The following ELK4 variants were observed in gnomAD, a reference collection of about 807,000 sequenced individuals.
ELK4 encodes the protein ETS domain-containing protein Elk-4.
A neutral mutation model predicts 29.6 loss-of-function variants in ELK4; 16 were observed. That is an observed-to-expected ratio of 0.54 (90% CI 0.37 to 0.82). The LOEUF is 0.82. Ranked by LOEUF, ELK4 falls within the 40% of genes least tolerant of loss-of-function variation. ELK4 has a pLI of 0.00. For synonymous variants in ELK4, 213 were observed against 191.1 expected (o/e 1.11, Z -0.95); for missense variants, 465 against 507.1 (o/e 0.92, Z 0.80).
chr1:205,620,172 G>C lies in ELK4; in HGVS notation c.874C>G (p.Leu292Val), dbSNP rs776843292. Residue 292 changes from leucine to valine, a missense_variant, in exon 3 of 5, where the codon CTT (leucine) becomes GTT (valine). This residue lies in a region of ELK4 where 385 missense variants were observed against 387.5 expected (regional missense o/e 0.99). Coordinates refer to ENST00000357992, the MANE Select transcript of ELK4 (RefSeq NM_001973.4). Reference sequence around the variant, plus strand: ...GGCTCCAGTGACAAATTCTCTGGAAGTTCCATTGGCTGAGAAGCCACTGAA... The same window carrying C: ...GGCTCCAGTGACAAATTCTCTGGAACTTCCATTGGCTGAGAAGCCACTGAA... The part of the protein sequence containing the change: ...IDSVASQPME[L>V]PENLSLEPKD... 6.2e-7 allele frequency: 1 copy of C among 1,614,248 alleles called. No homozygotes were observed. The highest frequency in any genetic ancestry group is 8.5e-7 in the Non-Finnish European group (1 of 1,180,044).
intron 1 of ELK4, chr1:205,625,720 C>G (rs113524028): frequency 1.4e-6 from 1 of 728,966 alleles, no homozygotes; most frequent in East Asian, 2.5e-5. Context: ...ACTCTGTCAC[C>G]CAGGCTGGAG....
rs1161030669 is a variant in ELK4, at chr1:205,615,339, T to G, written c.*1207A>C. Reference sequence around the variant, plus strand: ...CCGGGAGGCGGAGCTTACAGTGAGCTGAGATCGCGCCACTGCACTCCAGCC... The same window carrying G: ...CCGGGAGGCGGAGCTTACAGTGAGCGGAGATCGCGCCACTGCACTCCAGCC... On this transcript the variant is annotated 3_prime_UTR_variant, in exon 5 of 5. Transcript: ENST00000357992. 1 of 140,112 alleles carries G rather than the reference T, an allele frequency of 7.1e-6. No homozygotes were observed. The highest frequency in any genetic ancestry group is 1.4e-5 in the Non-Finnish European group (1 of 71,026). 8.7% of individuals were successfully genotyped at this position (140,112 alleles called of 1,614,324 possible).
chr1:205,623,750 A>G lies in ELK4; in HGVS notation c.133T>C (p.Trp45Arg). 6.2e-7 allele frequency: 1 copy of G among 1,614,176 alleles called. No homozygotes were observed. Among genetic ancestry groups the G allele is most frequent in the Non-Finnish European group, 8.5e-7 (1 of 1,180,026 alleles). The change falls in exon 2 of 5, where the codon TGG (tryptophan) becomes CGG (arginine). Residue 45 changes from tryptophan (W) to arginine (R), a missense_variant. By Grantham distance (101) the Trp-to-Arg change is moderately radical (BLOSUM62 -3). Transcript: ENST00000357992. ...LLQAEEVARL[W>R]GIRKNKPNMN... ...TTAGGCTTGTTCTTGCGAATCCCCC[A>G]GAGACGAGCCACCTCTTCTGCCTGC...
chr1:205,618,891 T>C lies in ELK4; in HGVS notation c.1197+66A>G, dbSNP rs1670278754. 3.3e-6 allele frequency: 4 copies of C among 1,196,574 alleles called. No homozygotes were observed. The Admixed American group carries it at 8.3e-5, about 25-fold the overall frequency. The allele number at this position is 1,196,574 out of a possible 1,614,324, so 74.1% of individuals were successfully genotyped here. A position where few individuals can be genotyped will look rare whatever the true frequency, so the allele number is the denominator to read the frequency against. On this transcript the variant is annotated intron_variant, in intron 4 of 4. Transcript: ENST00000357992. ...ATGATTAAACTGAATAGTGGGACCC[T>C]GCCTTTTTGCCTCTTTCTTCATTTA...
rs1670173882 is a variant in ELK4, at chr1:205,612,931, A to T, written c.*3615T>A. On this transcript the variant is annotated 3_prime_UTR_variant, in exon 5 of 5. Coordinates refer to ENST00000357992, the MANE Select transcript of ELK4 (RefSeq NM_001973.4). The stretch of plus-strand genomic sequence containing the variant: ...TCATAGGTTTACTGTCCCTATCAAA[A>T]TTTCAACTGTCAAAATGTGGGAAAA... 4.8e-6 allele frequency: 1 copy of T among 206,210 alleles called. No individual in the cohort carries two copies. The allele number at this position is 206,210 out of a possible 1,614,324, so 12.8% of individuals were successfully genotyped here.
At position 205,610,448 on chromosome 1, in the gene ELK4, C is replaced by A. The variant is rs1276764063; in HGVS notation, c.*6098G>T. On this transcript the variant is annotated 3_prime_UTR_variant, in exon 5 of 5. Transcript: ENST00000357992. ...AAATACTGCTTCCAGTATAAACCTC[C>A]TCTTTGAGAAACTTACAAACTAATA... 4.3e-6 allele frequency: 1 copy of A among 230,338 alleles called. No homozygotes were observed. Among genetic ancestry groups the A allele is most frequent in the African/African-American group, 2.2e-5 (1 of 45,306 alleles). The allele number at this position is 230,338 out of a possible 1,614,324, so 14.3% of individuals were successfully genotyped here. A position where few individuals can be genotyped will look rare whatever the true frequency, so the allele number is the denominator to read the frequency against.
intron 1 of ELK4, among the ~76,000 whole-genome samples, chr1:205,624,766 AG>A (rs1390850820): frequency 6.6e-6 from 1 of 152,184 alleles, no homozygotes; most frequent in Non-Finnish European, 1.5e-5. Context: ...TCTACCCACT[AG>A]ATGCCAGTAG....
At chr1:205,626,902 A>C (rs1466359348) in intron 1 of ELK4, among the ~76,000 whole-genome samples, 1 of 152,216 alleles carries the variant, frequency 6.6e-6, no homozygotes, top group East Asian at 1.9e-4. Flanking sequence ...AACAAACTAA[A>C]TGTCCGTCAA....
At position 205,615,741 on chromosome 1, in the gene ELK4, C is replaced by T. The variant is rs1190946331; in HGVS notation, c.*805G>A. On this transcript the variant is annotated 3_prime_UTR_variant, in exon 5 of 5. Coordinates refer to ENST00000357992, the MANE Select transcript of ELK4 (RefSeq NM_001973.4). ...TGTATTCCATGGGCATATAATCATA[C>T]CACCCAGAGGGCAAAGAGCATTTCT... 3 of 210,020 alleles carry T rather than the reference C, an allele frequency of 1.4e-5. No homozygotes were observed. In the East Asian group the frequency reaches 2.2e-4, roughly 15 times the overall value. The allele number at this position is 210,020 out of a possible 1,614,324, so 13.0% of individuals were successfully genotyped here. A position where few individuals can be genotyped will look rare whatever the true frequency, so the allele number is the denominator to read the frequency against.
At position 205,623,612 on chromosome 1, in the gene ELK4, G is replaced by C; in HGVS notation, c.207+64C>G. The C allele has an allele frequency of 1.9e-6, 3 of 1,582,212 alleles. No homozygotes were observed. In the South Asian group the frequency reaches 3.4e-5, roughly 18 times the overall value. On this transcript the variant is annotated intron_variant, in intron 2 of 4. Transcript: ENST00000357992. Reference sequence around the variant, plus strand: ...TTACAGGCGTGAGCCACTGTGCCCAGCCAAGAAGGAATCGTTCTTGTCTGG... The same window carrying C: ...TTACAGGCGTGAGCCACTGTGCCCACCCAAGAAGGAATCGTTCTTGTCTGG...
At chr1:205,618,311 A>G (rs1236325746) in intron 4 of ELK4, among the ~76,000 whole-genome samples, 1 of 151,966 alleles carries the variant, frequency 6.6e-6, no homozygotes, top group African/African-American at 2.4e-5. Context: ...GATTACAGGC[A>G]TGACACACAC....
At chr1:205,625,339 A>C (rs1237159762) in intron 1 of ELK4, 1 of 305,782 alleles carries the variant, frequency 3.3e-6, no homozygotes, top group South Asian at 5.9e-5. Context: ...ATAGCAAAGA[A>C]GATATACAAA....
intron 4 of ELK4, among the ~76,000 whole-genome samples, chr1:205,617,646 A>T (rs527586303): frequency 2.6e-4 from 39 of 152,136 alleles, no homozygotes; most frequent in Non-Finnish European, 4.3e-4. Context: ...TCATGCCTGT[A>T]ATCCCAGCAC....
intron 3 of ELK4, 22 bp downstream of exon 3, chr1:205,619,944 C>T (rs760758423): frequency 2.4e-5 from 39 of 1,613,960 alleles, no homozygotes; most frequent in Non-Finnish European, 3.1e-5. Flanking sequence ...AATGGTGACA[C>T]CATAAAGAGC....
intron 1 of ELK4, among the ~76,000 whole-genome samples, chr1:205,626,718 T>C (rs778753638): frequency 3.1e-4 from 47 of 152,202 alleles, no homozygotes; most frequent in Non-Finnish European, 5.6e-4. Flanking sequence ...ATTGAAGCCC[T>C]TGTACATTGC....
rs752354646 is a variant in ELK4 at position 205,616,032 on chromosome 1, T to G, written c.*514A>C. 48 of 224,944 alleles carry G rather than the reference T, an allele frequency of 2.1e-4. No homozygotes were observed. Among genetic ancestry groups the G allele is most frequent in the Non-Finnish European group, 3.6e-4 (41 of 112,552 alleles). The allele number at this position is 224,944 out of a possible 1,614,324, so 13.9% of individuals were successfully genotyped here. On this transcript the variant is annotated 3_prime_UTR_variant, in exon 5 of 5. Transcript: ENST00000357992. The stretch of plus-strand genomic sequence containing the variant: ...CTTACTTTGTATGAATAGGAATGAT[T>G]CTTCTTCTTCCACTGCTTAGGAACA...
intron 1 of ELK4, chr1:205,625,366 G>A (rs1211656568): frequency 2.1e-5 from 8 of 381,974 alleles, no homozygotes; most frequent in South Asian, 7.5e-5. Context: ...ATAAACACAC[G>A]AAAAAATGCT....
rs1200144965 is a variant in ELK4 at position 205,610,932 on chromosome 1, G to C, written c.*5614C>G. ...AGTTTTCAACCTCATAAAACTTCCTGATGTGGACTATACTCAAATGATTAG... is the reference window on the plus strand; with the variant it reads ...AGTTTTCAACCTCATAAAACTTCCTCATGTGGACTATACTCAAATGATTAG... On this transcript the variant is annotated 3_prime_UTR_variant, in exon 5 of 5. Transcript: ENST00000357992. 4.4e-6 allele frequency: 1 copy of C among 227,200 alleles called. No homozygotes were observed. Among genetic ancestry groups the C allele is most frequent in the Non-Finnish European group, 8.7e-6 (1 of 114,350 alleles). The allele number at this position is 227,200 out of a possible 1,614,324, so 14.1% of individuals were successfully genotyped here.
At position 205,623,674 on chromosome 1, in the gene ELK4, A is replaced by G; in HGVS notation, c.207+2T>C. On this transcript the variant is annotated splice_donor_variant, in intron 2 of 4. Coordinates refer to ENST00000357992, the MANE Select transcript of ELK4 (RefSeq NM_001973.4). LOFTEE classifies it high-confidence loss of function. Reference sequence around the variant, plus strand: ...ATAGTATAAGATCAGGATGTGTACTACCTTTACATAATAGTATCTGAGGGC... The same window carrying G: ...ATAGTATAAGATCAGGATGTGTACTGCCTTTACATAATAGTATCTGAGGGC... The G allele has an allele frequency of 6.2e-7, 1 of 1,613,854 alleles. No homozygotes were observed. Among genetic ancestry groups the G allele is most frequent in the East Asian group, 2.2e-5 (1 of 44,876 alleles).
Sources: allele counts gnomAD v4.1 joint callset (sites outside exome capture counted in the v4.1 genomes callset), GRCh38; gene constraint gnomAD v4.1.1; regional missense constraint gnomAD v4.1.1; transcripts MANE v1.5; gene names NCBI Gene and HGNC (gene_info 2026-07-23, HGNC 2026-07-21).